Variants in SMARCB1 observed in about 807,000 individuals in gnomAD.
The protein encoded by SMARCB1 is SWI/SNF related BAF chromatin remodeling complex subunit B1.
In SMARCB1, 5 loss-of-function variants were observed where a neutral mutation model predicts 49.0. That is an observed-to-expected ratio of 0.10 (90% confidence interval 0.05 to 0.21). The LOEUF is 0.21. Ranked by LOEUF, SMARCB1 falls within the 10% of genes least tolerant of loss-of-function variation. SMARCB1 has a pLI of 1.00. For synonymous variants in SMARCB1, 201 were observed against 200.1 expected (o/e 1.00, Z -0.04); for missense variants, 226 against 509.2 (o/e 0.44, Z 5.35).
intron 1 of SMARCB1, among the ~76,000 whole-genome samples, chr22:23,788,813 T>C (rs959827532): frequency 2.0e-5 from 3 of 152,148 alleles, no homozygotes; most frequent in African/African-American, 7.2e-5. Flanking sequence ...TGGATGAGAC[T>C]AAGGTCAATA....
At chr22:23,803,138 C>G in intron 4 of SMARCB1, 157 bp from the exon 5 acceptor site, 1 of 927,660 alleles carries the variant, frequency 1.1e-6, no homozygotes, top group Admixed American at 1.7e-5. Flanking sequence ...CCCCGGGACC[C>G]CTGCTAGCCT....
At chr22:23,825,437 T>A (rs1470588714) in intron 7 of SMARCB1, 22 bp downstream of exon 7, 2 of 1,602,736 alleles carry the variant, frequency 1.2e-6, no homozygotes, top group Admixed American at 1.7e-5. Flanking sequence ...CATGAGTCTC[T>A]CCCTCCCTCA....
At position 23,836,358 on chromosome 22, in the gene SMARCB1, C is replaced by T. The variant is rs1026120843; in HGVS notation, c.*2178C>T. 4.1e-6 allele frequency: 4 copies of T among 985,540 alleles called. No individual in the cohort carries two copies. Among genetic ancestry groups the T allele is most frequent in the Non-Finnish European group, 4.8e-6 (4 of 830,090 alleles). The allele number at this position is 985,540 out of a possible 1,614,324, so 61.0% of individuals were successfully genotyped here. A position where few individuals can be genotyped will look rare whatever the true frequency, so the allele number is the denominator to read the frequency against. On this transcript the variant is annotated 3_prime_UTR_variant, in exon 9 of 9. Coordinates refer to ENST00000644036, the MANE Select transcript of SMARCB1 (RefSeq NM_003073.5). ...TAGATTGGCATCAGCCTGAAGGCACCACTGGCAGGAACATCTGTAGGCTGG... is the reference window on the plus strand; with the variant it reads ...TAGATTGGCATCAGCCTGAAGGCACTACTGGCAGGAACATCTGTAGGCTGG...
chr22:23,805,527 T>C (rs1034033403), intron 5 of SMARCB1, among the ~76,000 whole-genome samples: 3 of 152,196 alleles, frequency 2.0e-5, no homozygotes, highest in Non-Finnish European at 4.4e-5. Context: ...TTTTTTGAGA[T>C]GGAGTTTCAC....
In SMARCB1 at chr22:23,825,720, G is replaced by T. The variant is rs934095051; in HGVS notation, c.986+305G>T. The T allele has an allele frequency of 9.0e-6, 4 of 443,210 alleles. No individual in the cohort carries two copies. In the Admixed American group the frequency reaches 1.1e-4, roughly 12 times the overall value. The allele number at this position is 443,210 out of a possible 1,614,324, so 27.5% of individuals were successfully genotyped here. On this transcript the variant is annotated intron_variant, in intron 7 of 8. Transcript: ENST00000644036. ...TGCCCCCACCATCCACCATTCAGTT[G>T]TCCTGCCCCACACCCTCTCTCTCTG...
chr22:23,811,881 T>G (rs1929888120), intron 5 of SMARCB1, among the ~76,000 whole-genome samples: 1 of 152,110 alleles, frequency 6.6e-6, no homozygotes, highest in African/African-American at 2.4e-5. Context: ...TAGAGAAAAT[T>G]AATGAAAACT....
intron 1 of SMARCB1, among the ~76,000 whole-genome samples, chr22:23,789,559 G>A (rs1223138012): frequency 6.6e-6 from 1 of 152,178 alleles, no homozygotes; most frequent in Non-Finnish European, 1.5e-5. Context: ...GTGATGCTTA[G>A]ACTAGATGGT....
chr22:23,806,609 G>A (rs1002851871), intron 5 of SMARCB1, among the ~76,000 whole-genome samples: 2 of 152,170 alleles, frequency 1.3e-5, no homozygotes, highest in Admixed American at 6.6e-5. Flanking sequence ...CGAATGAAGT[G>A]TATGTTCAGC....
rs745747026 is a variant in SMARCB1 at position 23,837,325 on chromosome 22, C to T, written c.*3145C>T. ...CCCCGGGTTGGCCGTGAAGGACAAGCTTAAAAGGCCCAGAAGCAGGCAGGA... is the reference window on the plus strand; with the variant it reads ...CCCCGGGTTGGCCGTGAAGGACAAGTTTAAAAGGCCCAGAAGCAGGCAGGA... On this transcript the variant is annotated 3_prime_UTR_variant, in exon 9 of 9. Coordinates refer to ENST00000644036, the MANE Select transcript of SMARCB1 (RefSeq NM_003073.5). 116 of 855,818 alleles carry T rather than the reference C, an allele frequency of 1.4e-4. No homozygotes were observed. Among genetic ancestry groups the T allele is most frequent in the Non-Finnish European group, 1.9e-4 (107 of 549,092 alleles). The allele number at this position is 855,818 out of a possible 1,614,324, so 53.0% of individuals were successfully genotyped here. A position where few individuals can be genotyped will look rare whatever the true frequency, so the allele number is the denominator to read the frequency against.
chr22:23,792,412 A>T lies in SMARCB1; in HGVS notation c.232+518A>T, dbSNP rs556779790. The T allele has an allele frequency of 4.6e-5, 13 of 283,514 alleles. No individual in the cohort carries two copies. The East Asian group carries it at 1.2e-3, about 25-fold the overall frequency. The allele number at this position is 283,514 out of a possible 1,614,324, so 17.6% of individuals were successfully genotyped here. ...CGTGTGCCTGGGGCTTGCTAGGTAC[A>T]CTAGTGAAACTAGTGGGCTTTGGGT... On this transcript the variant is annotated intron_variant, in intron 2 of 8. Transcript: ENST00000644036.
chr22:23,800,546 C>T (rs992231612), intron 3 of SMARCB1, among the ~76,000 whole-genome samples: 2 of 152,154 alleles, frequency 1.3e-5, no homozygotes, highest in Admixed American at 1.3e-4. Flanking sequence ...CCCTCAGTCT[C>T]TCCTCCTTGC....
chr22:23,804,312 C>G (rs542983585), intron 5 of SMARCB1: 2 of 151,884 alleles, frequency 1.3e-5, no homozygotes, highest in Non-Finnish European at 2.9e-5. Flanking sequence ...TCAAGCAGTC[C>G]TCCTGCCACA....
intron 3 of SMARCB1, among the ~76,000 whole-genome samples, chr22:23,796,327 G>C (rs1055038890): frequency 1.1e-4 from 17 of 151,800 alleles, no homozygotes; most frequent in South Asian, 8.5e-4. Context: ...TCAGCCACTT[G>C]AATGGACAAA....
At chr22:23,819,022 G>A (rs9608194) in intron 6 of SMARCB1, among the ~76,000 whole-genome samples, 18,800 of 151,814 alleles carry the variant, frequency 0.12, 1,252 homozygotes, top group South Asian at 0.27. Context: ...CTGATTTTTT[G>A]TATTTTTTTT....
chr22:23,806,781 A>T (rs1568945303), intron 5 of SMARCB1, among the ~76,000 whole-genome samples: 1 of 151,958 alleles, frequency 6.6e-6, no homozygotes, highest in Non-Finnish European at 1.5e-5. Context: ...AATTAGTCGG[A>T]TGTGGTGGCA....
rs2030911501 is a variant in SMARCB1, at chr22:23,834,849, C to T, written c.*669C>T. The stretch of plus-strand genomic sequence containing the variant: ...GCCTCAGGAAGGTGCCGCGAGCTCT[C>T]CTGCCGTCCCTGGGCCGCCCTGGCT... On this transcript the variant is annotated 3_prime_UTR_variant, in exon 9 of 9. Coordinates refer to ENST00000644036, the MANE Select transcript of SMARCB1 (RefSeq NM_003073.5). 2 of 1,612,354 alleles carry T rather than the reference C, an allele frequency of 1.2e-6. No individual in the cohort carries two copies. The highest frequency in any genetic ancestry group is 1.7e-5 in the Admixed American group (1 of 59,950).
intron 2 of SMARCB1, chr22:23,793,355 AG>A: frequency 1.5e-6 from 1 of 678,672 alleles, no homozygotes; most frequent in East Asian, 2.7e-5. Context: ...GTCCCATTGG[AG>A]GCTCTACCCA....
chr22:23,837,768 C>T lies in SMARCB1; in HGVS notation c.*3588C>T. On this transcript the variant is annotated 3_prime_UTR_variant, in exon 9 of 9. Coordinates refer to ENST00000644036, the MANE Select transcript of SMARCB1 (RefSeq NM_003073.5). ...GCAGGCCGAAGAAGTTGACCCTCACCCGAGGGCTGCGGCGGCTCCACACGT... is the reference window on the plus strand; with the variant it reads ...GCAGGCCGAAGAAGTTGACCCTCACTCGAGGGCTGCGGCGGCTCCACACGT... 6.2e-7 allele frequency: 1 copy of T among 1,614,032 alleles called. No homozygotes were observed. The highest frequency in any genetic ancestry group is 8.5e-7 in the Non-Finnish European group (1 of 1,180,020).
chr22:23,834,372 A>ACCCCACCCTCCCTACCCCT lies in SMARCB1; in HGVS notation c.*198_*216dup, dbSNP rs1468418014. On this transcript the variant is annotated 3_prime_UTR_variant, in exon 9 of 9. Transcript: ENST00000644036. Reference sequence around the variant, plus strand: ...TTGTTGAGCCCCAGTCCTGCCCCCCACCCCACCCTCCCTACCCCTCCCCAG... The same window carrying ACCCCACCCTCCCTACCCCT: ...TTGTTGAGCCCCAGTCCTGCCCCCCACCCCACCCTCCCTACCCCTCCCCACCCTCCCTACCCCTCCCCAG... 5 of 396,606 alleles carry ACCCCACCCTCCCTACCCCT rather than the reference A, an allele frequency of 1.3e-5. No individual in the cohort carries two copies. In the African/African-American group the frequency reaches 1.7e-4, roughly 14 times the overall value. 24.6% of individuals were successfully genotyped at this position (396,606 alleles called of 1,614,324 possible). A position where few individuals can be genotyped will look rare whatever the true frequency, so the allele number is the denominator to read the frequency against.
Sources: gnomAD v4.1 joint callset for allele counts (sites outside exome capture counted in the v4.1 genomes callset) on GRCh38, gnomAD v4.1.1 for gene constraint, MANE v1.5 for transcripts, NCBI Gene and HGNC (gene_info 2026-07-23, HGNC 2026-07-21) for gene names.